MYO6: variants seen among roughly 807,000 people sequenced by gnomAD.
MYO6 encodes the protein unconventional myosin-VI.
A neutral mutation model predicts 178.7 loss-of-function variants in MYO6; 74 were observed. The observed-to-expected ratio is 0.41, with a 90% CI of 0.34 to 0.50. MYO6 has a LOEUF of 0.50. Among genes scored for constraint, MYO6 ranks in the 20% least tolerant of loss-of-function variants. The pLI is 0.09. For synonymous variants in MYO6, 477 were observed against 504.6 expected (o/e 0.95, Z 0.73); for missense variants, 1,330 against 1,547.4 (o/e 0.86, Z 2.36).
At position 75,871,324 on chromosome 6, in the gene MYO6, G is replaced by T. The variant is rs558335711; in HGVS notation, c.1983+639G>T. 2.0e-5 allele frequency among the ~76,000 whole-genome samples: 3 copies of T among 152,182 alleles called. No individual in the cohort carries two copies. In the South Asian group the frequency reaches 6.2e-4, roughly 32 times the overall value. ...GAGTGCAGTGGTGCAATCACAACTC[G>T]CTGCAACCTCCGCCTCTCTGGTTAA... On this transcript the variant is annotated intron_variant, in intron 19 of 34. Coordinates refer to ENST00000369977, the MANE Select transcript of MYO6 (RefSeq NM_004999.4).
chr6:75,844,359 G>T (rs922462354), intron 9 of MYO6, among the ~76,000 whole-genome samples: 1 of 152,050 alleles, frequency 6.6e-6, no homozygotes, highest in African/African-American at 2.4e-5. Context: ...AAAGCATAAA[G>T]CAAGTAGTGT....
At chr6:75,790,979 A>G (rs1420635165) in intron 1 of MYO6, among the ~76,000 whole-genome samples, 5 of 151,842 alleles carry the variant, frequency 3.3e-5, no homozygotes, top group Non-Finnish European at 5.9e-5. Context: ...TGTGGCCCAG[A>G]CTGGAGTGCA....
intron 1 of MYO6, among the ~76,000 whole-genome samples, chr6:75,758,380 G>C (rs1349892814): frequency 2.0e-5 from 3 of 151,858 alleles, no homozygotes; most frequent in African/African-American, 7.3e-5. Flanking sequence ...AGCTTATTTG[G>C]GGCTTATAGC....
chr6:75,842,202 GCACA>G (rs375234110), intron 9 of MYO6, among the ~76,000 whole-genome samples: 7 of 148,886 alleles, frequency 4.7e-5, no homozygotes, highest in Non-Finnish European at 7.5e-5. Context: ...ACACACACAT[GCACA>G]CACACACACA....
chr6:75,881,989 A>G (rs1043306227), intron 23 of MYO6, among the ~76,000 whole-genome samples, 171 bp downstream of exon 23: 3 of 152,006 alleles, frequency 2.0e-5, no homozygotes, highest in Non-Finnish European at 4.4e-5. Context: ...TTTTGAGTGT[A>G]TGATATTTAT....
intron 30 of MYO6, among the ~76,000 whole-genome samples, chr6:75,899,787 A>T (rs1779595332): frequency 6.6e-6 from 1 of 150,562 alleles, no homozygotes; most frequent in Non-Finnish European, 1.5e-5. Flanking sequence ...CACAATGTGC[A>T]GGTTAGTTAC....
At chr6:75,892,804 T>A in intron 28 of MYO6, 114 bp downstream of exon 28, 2 of 1,076,040 alleles carry the variant, frequency 1.9e-6, no homozygotes, top group Non-Finnish European at 2.6e-6. Context: ...AAGGCCCTGA[T>A]ATATTTGAGC....
At chr6:75,873,401 T>TGAAAA in intron 20 of MYO6, 101 bp downstream of exon 20, 1 of 940,362 alleles carries the variant, frequency 1.1e-6, no homozygotes, top group Non-Finnish European at 1.7e-6. Context: ...CTTGATTATT[T>TGAAAA]TACAGTGCAA....
At position 75,835,898 on chromosome 6, in the gene MYO6, C is replaced by G. The variant is rs1562227181; in HGVS notation, c.498-3C>G. On this transcript the variant is annotated splice_polypyrimidine_tract_variant and splice_region_variant and intron_variant, in intron 6 of 34. Coordinates refer to ENST00000369977, the MANE Select transcript of MYO6 (RefSeq NM_004999.4). ...AACATTTTTTATCCTATATTTTAAA[C>G]AGATACCTGACTGAATCCTATGGAA... 6.4e-7 allele frequency: 1 copy of G among 1,573,648 alleles called. No homozygotes were observed. Among genetic ancestry groups the G allele is most frequent in the Non-Finnish European group, 8.7e-7 (1 of 1,143,478 alleles).
intron 31 of MYO6, among the ~76,000 whole-genome samples, chr6:75,908,115 T>TA (rs1354223664): frequency 6.6e-6 from 1 of 152,196 alleles, no homozygotes; most frequent in Non-Finnish European, 1.5e-5. Context: ...TATATCTGCA[T>TA]AATTATAAAA....
chr6:75,870,626 C>T (rs995695587), intron 18 of MYO6, 21 bp from the exon 19 acceptor site: 2 of 1,605,732 alleles, frequency 1.2e-6, no homozygotes, highest in Admixed American at 3.3e-5. Flanking sequence ...AAATAATAAA[C>T]TGATTTCCTT....
At chr6:75,784,847 G>C (rs1159569771) in intron 1 of MYO6, among the ~76,000 whole-genome samples, 1 of 151,528 alleles carries the variant, frequency 6.6e-6, no homozygotes, top group Non-Finnish European at 1.5e-5. Context: ...AGATTGCGGG[G>C]TGTAGCTTTA....
At chr6:75,867,727 T>C (rs1776814320) in intron 18 of MYO6, among the ~76,000 whole-genome samples, 1 of 152,240 alleles carries the variant, frequency 6.6e-6, no homozygotes, top group Non-Finnish European at 1.5e-5. Context: ...TGGCAAACTC[T>C]TCAAACTGCT....
chr6:75,859,286 G>A (rs1408799822), intron 14 of MYO6, among the ~76,000 whole-genome samples: 1 of 151,824 alleles, frequency 6.6e-6, no homozygotes, highest in Non-Finnish European at 1.5e-5. Context: ...TTCTTTTTAT[G>A]ATTTTGTTGT....
intron 3 of MYO6, among the ~76,000 whole-genome samples, chr6:75,825,259 T>C (rs1772343271): frequency 6.6e-6 from 1 of 152,180 alleles, no homozygotes; most frequent in African/African-American, 2.4e-5. Flanking sequence ...TCGTGAATTA[T>C]TGTCTATTAG....
chr6:75,761,857 C>T (rs538133695), intron 1 of MYO6, among the ~76,000 whole-genome samples: 13 of 151,758 alleles, frequency 8.6e-5, no homozygotes, highest in South Asian at 4.2e-4. Flanking sequence ...CAGATGGGTT[C>T]GGGGTGGCAG....
intron 1 of MYO6, among the ~76,000 whole-genome samples, chr6:75,760,031 T>C (rs1777812182): frequency 6.6e-6 from 1 of 152,226 alleles, no homozygotes; most frequent in Non-Finnish European, 1.5e-5. Flanking sequence ...AGTCTTTCGC[T>C]TTTCTGGAAT....
At chr6:75,856,109 A>G (rs1775697851) in intron 12 of MYO6, among the ~76,000 whole-genome samples, 1 of 152,212 alleles carries the variant, frequency 6.6e-6, no homozygotes, top group Non-Finnish European at 1.5e-5. Context: ...TGTTATAAAG[A>G]AAAACTCTGG....
intron 30 of MYO6, among the ~76,000 whole-genome samples, chr6:75,900,735 T>G (rs572191738): frequency 2.7e-4 from 41 of 152,124 alleles, no homozygotes; most frequent in African/African-American, 5.3e-4. Context: ...CTCTTTAGTT[T>G]AATTAGATCC....
Sources: allele counts gnomAD v4.1 joint callset (sites outside exome capture counted in the v4.1 genomes callset), GRCh38; gene constraint gnomAD v4.1.1; transcripts MANE v1.5; gene names NCBI Gene and HGNC (gene_info 2026-07-23, HGNC 2026-07-21).